OTOG: variants seen among roughly 807,000 people sequenced by gnomAD.
OTOG encodes otogelin.
A neutral mutation model predicts 313.8 loss-of-function variants in OTOG; 296 were observed. That is an observed-to-expected ratio of 0.94 (90% confidence interval 0.86 to 1.04). The LOEUF (loss-of-function observed/expected upper bound fraction) is 1.04, where lower values mean the gene tolerates loss of function less well. Ranked by LOEUF, OTOG falls within the 50% of genes least tolerant of loss-of-function variation. The pLI, the probability that OTOG is intolerant of heterozygous loss-of-function variation, is 0.00. For missense variants in OTOG, 3,948 were observed against 3,840.1 expected (o/e 1.03, Z -0.74); for synonymous variants, 1,533 against 1,554.9 (o/e 0.99, Z 0.33).
chr11:17,567,893 CTTTCTTTTCT>C (rs138698434), intron 15 of OTOG, among the ~76,000 whole-genome samples: 22,464 of 150,876 alleles, frequency 0.15, 1,855 homozygotes, highest in African/African-American at 0.21. Context: ...GTTAGTAACA[CTTTCTTTTCT>C]TTTCTTTTCT....
chr11:17,590,145 C>T (rs566921000), intron 24 of OTOG, among the ~76,000 whole-genome samples: 100 of 152,306 alleles, frequency 6.6e-4, no homozygotes, highest in Middle Eastern at 6.8e-3. Context: ...AGATTTCTAC[C>T]TGTAGTCCAA....
chr11:17,614,947 G>A (rs751003682), intron 39 of OTOG, among the ~76,000 whole-genome samples: 5 of 152,178 alleles, frequency 3.3e-5, no homozygotes, highest in Admixed American at 6.5e-5. Flanking sequence ...TTGCCAAACT[G>A]TATTCCAGAG....
At chr11:17,580,209 G>C (rs1852634965) in intron 23 of OTOG, among the ~76,000 whole-genome samples, 1 of 152,350 alleles carries the variant, frequency 6.6e-6, no homozygotes, top group East Asian at 1.9e-4. Flanking sequence ...TGAATCTGGG[G>C]TCTGGCCAAG....
intron 39 of OTOG, among the ~76,000 whole-genome samples, chr11:17,614,957 G>C (rs917302637): frequency 2.6e-5 from 4 of 152,212 alleles, no homozygotes; most frequent in Non-Finnish European, 5.9e-5. Context: ...GTATTCCAGA[G>C]CAGGCATTTA....
Position 17,583,454 on chromosome 11 carries a change from C to G in OTOG, c.2760-3020C>G, listed in dbSNP as rs571664986. ...TACAATTTTAGCTTTTACATTTAAG[C>G]CTATGACCTATTTAAAATTATTATA... On this transcript the variant is annotated intron_variant, in intron 23 of 55. Coordinates refer to ENST00000399397, the MANE Select transcript of OTOG (RefSeq NM_001292063.2). Among the ~76,000 whole-genome samples the G allele has an allele frequency of 3.3e-5, 5 of 152,204 alleles. No individual in the cohort carries two copies. In the South Asian group the frequency reaches 8.3e-4, roughly 25 times the overall value.
intron 52 of OTOG, 85 bp downstream of exon 52, chr11:17,642,036 G>A (rs985159928): frequency 3.9e-6 from 6 of 1,522,828 alleles, no homozygotes; most frequent in African/African-American, 2.8e-5. Flanking sequence ...TGCAGGCCAG[G>A]GCTGGGTACA....
rs1373762063 is a variant in OTOG, at chr11:17,597,033, G to A, written c.3682+26G>A. On this transcript the variant is annotated intron_variant, in intron 30 of 55. Coordinates refer to ENST00000399397, the MANE Select transcript of OTOG (RefSeq NM_001292063.2). ...GTGAGTGTCCCAGACAATCACCTGAGGGGACAGAGTAGAGTGTCACCTGTG... is the reference window on the plus strand; with the variant it reads ...GTGAGTGTCCCAGACAATCACCTGAAGGGACAGAGTAGAGTGTCACCTGTG... 18 of 1,548,212 alleles carry A rather than the reference G, an allele frequency of 1.2e-5. No homozygotes were observed. In the South Asian group the frequency reaches 1.8e-4, roughly 15 times the overall value.
At chr11:17,620,828 T>A (rs950003201) in intron 39 of OTOG, among the ~76,000 whole-genome samples, 1 of 152,182 alleles carries the variant, frequency 6.6e-6, no homozygotes, top group Non-Finnish European at 1.5e-5. Context: ...TGTGCTTCAT[T>A]TCAGATAGTA....
chr11:17,561,915 C>T, intron 15 of OTOG, 108 bp downstream of exon 15: 1 of 1,338,196 alleles, frequency 7.5e-7, no homozygotes, highest in Non-Finnish European at 1.0e-6. Context: ...TGGCCCCCAC[C>T]TGCTGCCTCT....
At chr11:17,643,879 G>A (rs1003553793) in intron 54 of OTOG, among the ~76,000 whole-genome samples, 3 of 152,210 alleles carry the variant, frequency 2.0e-5, no homozygotes, top group Non-Finnish European at 2.9e-5. Context: ...CCCTGGTCTT[G>A]GAGGAGCCTC....
At chr11:17,608,146 GCA>G (rs771330131) in intron 33 of OTOG, 148 bp from the exon 34 acceptor site, 70 of 552,426 alleles carry the variant, frequency 1.3e-4, no homozygotes, top group Non-Finnish European at 2.0e-4. Flanking sequence ...CACCATGAAC[GCA>G]GTTTCTCCTT....
intron 28 of OTOG, among the ~76,000 whole-genome samples, chr11:17,595,732 C>T (rs904397806): frequency 2.0e-5 from 3 of 152,198 alleles, no homozygotes; most frequent in South Asian, 4.1e-4. Context: ...TGTGGGGTCC[C>T]CCAGCATGGC....
At chr11:17,593,435 G>A (rs944823212) in intron 26 of OTOG, 108 bp downstream of exon 26, 2 of 1,443,018 alleles carry the variant, frequency 1.4e-6, no homozygotes, top group Admixed American at 2.1e-5. Context: ...TTCTCTTGGA[G>A]AGCCACTGAG....
intron 6 of OTOG, among the ~76,000 whole-genome samples, chr11:17,555,234 T>TGTGA (rs1438852252): frequency 6.6e-6 from 1 of 151,450 alleles, no homozygotes; most frequent in Non-Finnish European, 1.5e-5. Context: ...TGTGTGTGTG[T>TGTGA]GACAGCAGCA....
Position 17,611,216 on chromosome 11 carries a change from G to A in OTOG, c.5916G>A (p.Arg1972=). 1.3e-6 allele frequency: 2 copies of A among 1,550,540 alleles called. No individual in the cohort carries two copies. Among genetic ancestry groups the A allele is most frequent in the South Asian group, 1.2e-5 (1 of 84,052 alleles). The change falls in exon 36 of 56, where the codon AGG becomes AGA. Residue 1972 remains arginine (R), a synonymous_variant. Coordinates refer to ENST00000399397, the MANE Select transcript of OTOG (RefSeq NM_001292063.2). ...ATGCCCTGAGCCGTGTCTCAGCCAG[G>A]ACGGCCCCCCAAGACAGCATGCTGG... ...TSYALSRVSA[R]TAPQDSMLVL...
chr11:17,566,313 A>G (rs369529609), intron 15 of OTOG, among the ~76,000 whole-genome samples: 29 of 152,356 alleles, frequency 1.9e-4, no homozygotes, highest in African/African-American at 5.5e-4. Context: ...TATATTGTTT[A>G]GGGAATAATG....
intron 4 of OTOG, among the ~76,000 whole-genome samples, chr11:17,552,369 T>A (rs939117952): frequency 6.6e-6 from 1 of 152,152 alleles, no homozygotes; most frequent in African/African-American, 2.4e-5. Flanking sequence ...TGTTTCCCCC[T>A]CCATCCCACC....
In OTOG at chr11:17,569,142, TTCTA is replaced by T; in HGVS notation, c.1645-10_1645-7del. On this transcript the variant is annotated splice_polypyrimidine_tract_variant and intron_variant, in intron 15 of 55. Transcript: ENST00000399397. ...CAGACCAACACTGCCCCATTGACCT[TTCTA>T]TCTCTCCAGAACCAAGATGGAGCCT... 3 of 1,550,550 alleles carry T rather than the reference TTCTA, an allele frequency of 1.9e-6. No homozygotes were observed. The highest frequency in any genetic ancestry group is 2.6e-6 in the Non-Finnish European group (3 of 1,146,990).
intron 3 of OTOG, 133 bp from the exon 4 acceptor site, chr11:17,551,867 G>T (rs532794193): frequency 8.2e-6 from 6 of 731,924 alleles, no homozygotes; most frequent in South Asian, 5.0e-5. Context: ...AGGAGGAGTG[G>T]CTGGGGCACT....
Sources: gnomAD v4.1 joint callset for allele counts (sites outside exome capture counted in the v4.1 genomes callset) on GRCh38, gnomAD v4.1.1 for gene constraint, MANE v1.5 for transcripts, NCBI Gene and HGNC (gene_info 2026-07-23, HGNC 2026-07-21) for gene names.